Variants in ORC6 observed in about 807,000 individuals in gnomAD.
ORC6 encodes the protein origin recognition complex subunit 6, also known as origin recognition complex, subunit 6 homolog-like (yeast).
In ORC6, 31 loss-of-function variants were observed where a neutral mutation model predicts 30.0. The ratio of observed to expected loss-of-function variants is 1.03; its 90% confidence interval spans 0.78 to 1.40. ORC6 has a LOEUF of 1.40. Among genes scored for constraint, ORC6 ranks in the 40% most tolerant of loss-of-function variants. The pLI is 0.00. For missense variants in ORC6, 340 were observed against 304.3 expected (o/e 1.12, Z -0.87); for synonymous variants, 136 against 111.2 (o/e 1.22, Z -1.40).
intron 1 of ORC6, among the ~76,000 whole-genome samples, chr16:46,690,341 A>T (rs560587237): frequency 2.0e-5 from 3 of 152,344 alleles, no homozygotes; most frequent in Non-Finnish European, 1.5e-5. Flanking sequence ...AAGCGTTGAG[A>T]TGGGAAGCGG....
In ORC6 at chr16:46,696,047, G is replaced by A. The variant is rs1300410552; in HGVS notation, c.593G>A (p.Arg198Gln). The stretch of plus-strand genomic sequence containing the variant: ...CCTGGAGATGTAGCTACTCCACCAC[G>A]GAAGAGAAAGAAGATAGTGGTTGAA... Reference protein sequence around the residue: ...REPGDVATPPRKRKKIVVEAP... With the variant: ...REPGDVATPPQKRKKIVVEAP... The change falls in exon 6 of 7, where the codon CGG becomes CAG. Residue 198 changes from arginine (R) to glutamine (Q), a missense_variant. Arg to Gln is a conservative substitution (Grantham distance 43, BLOSUM62 1). Coordinates refer to ENST00000219097, the MANE Select transcript of ORC6 (RefSeq NM_014321.4). The A allele has an allele frequency of 1.5e-5, 24 of 1,613,452 alleles. No homozygotes were observed. The highest frequency in any genetic ancestry group is 2.2e-5 in the South Asian group (2 of 91,076).
chr16:46,689,781 C>A lies in ORC6; in HGVS notation c.65+11C>A. 1 of 1,585,394 alleles carries A rather than the reference C, an allele frequency of 6.3e-7. No individual in the cohort carries two copies. The highest frequency in any genetic ancestry group is 8.6e-7 in the Non-Finnish European group (1 of 1,167,754). On this transcript the variant is annotated intron_variant, in intron 1 of 6. Coordinates refer to ENST00000219097, the MANE Select transcript of ORC6 (RefSeq NM_014321.4). ...GCCCGACATGCTGAGGTGAGTTCGG[C>A]CGCGCAAGACCAGGGCTGGGCTTCC...
At chr16:46,691,932 G>GCACACACACACA (rs34549741) in intron 2 of ORC6, among the ~76,000 whole-genome samples, 3 of 59,268 alleles carry the variant, frequency 5.1e-5, no homozygotes, top group African/African-American at 6.8e-5. Flanking sequence ...TTTCTCTCCT[G>GCACACACACACA]CACACACACA....
At chr16:46,691,980 T>TCTCTCTCA (rs1966449087) in intron 2 of ORC6, among the ~76,000 whole-genome samples, 1 of 147,920 alleles carries the variant, frequency 6.8e-6, no homozygotes, top group African/African-American at 2.5e-5. Context: ...TCTCTCTCTC[T>TCTCTCTCA]CACCACCCCG....
At chr16:46,694,570 C>T (rs1350329674) in intron 4 of ORC6, 5 of 67,118 alleles carry the variant, frequency 7.4e-5, no homozygotes, top group Non-Finnish European at 1.5e-4. Flanking sequence ...CCGGACGGGG[C>T]AGCTGGCCGG....
rs552925596 is a variant in ORC6 at position 46,698,241 on chromosome 16, A to C, written c.*656A>C. 2.2e-5 allele frequency: 10 copies of C among 453,522 alleles called. No homozygotes were observed. Among genetic ancestry groups the C allele is most frequent in the African/African-American group, 1.8e-4 (9 of 49,390 alleles). The allele number at this position is 453,522 out of a possible 1,614,324, so 28.1% of individuals were successfully genotyped here. On this transcript the variant is annotated 3_prime_UTR_variant, in exon 7 of 7. Transcript: ENST00000219097. ...AACGGAATTGGAGCCATTTTGCTTT[A>C]AGTGAATGGCAGTCCCTTGTCTTAT...
At chr16:46,695,274 A>G (rs2143010961) in intron 4 of ORC6, 1 of 352,250 alleles carries the variant, frequency 2.8e-6, no homozygotes, top group East Asian at 6.5e-5. Context: ...GTCATTCATT[A>G]AATTAATCTG....
chr16:46,692,961 T>TA (rs1191344182), intron 3 of ORC6, 132 bp from the exon 4 acceptor site: 21 of 720,452 alleles, frequency 2.9e-5, no homozygotes, highest in South Asian at 1.8e-4. Context: ...TTTTCAGTCT[T>TA]AAAAAAAATG....
At position 46,693,129 on chromosome 16, in the gene ORC6, T is replaced by C. The variant is rs762305248; in HGVS notation, c.396T>C (p.Asp132=). The change falls in exon 4 of 7, where the codon GAT becomes GAC. Residue 132 remains aspartate (D), a synonymous_variant. Transcript: ENST00000219097. ...GTCTTCCCCAGACACAGCAAGTGGA[T>C]CTTGACTTATCCAGGCCACTTTTCA... ...ESSLPQTQQV[D]LDLSRPLFTS... The C allele has an allele frequency of 1.3e-5, 21 of 1,613,074 alleles. No homozygotes were observed. Among genetic ancestry groups the C allele is most frequent in the Non-Finnish European group, 1.0e-5 (12 of 1,179,156 alleles).
In ORC6 at chr16:46,697,648, T is replaced by G; in HGVS notation, c.*63T>G. The G allele has an allele frequency of 6.5e-7, 1 of 1,536,992 alleles. No individual in the cohort carries two copies. Among genetic ancestry groups the G allele is most frequent in the Non-Finnish European group, 9.0e-7 (1 of 1,109,902 alleles). ...GTACATTGCCATCTCCAGGAAGACTTGACGGCTTTGGGATTTTGTTTAAAC... is the reference window on the plus strand; with the variant it reads ...GTACATTGCCATCTCCAGGAAGACTGGACGGCTTTGGGATTTTGTTTAAAC... On this transcript the variant is annotated 3_prime_UTR_variant, in exon 7 of 7. Coordinates refer to ENST00000219097, the MANE Select transcript of ORC6 (RefSeq NM_014321.4).
intron 1 of ORC6, 81 bp downstream of exon 1, chr16:46,689,851 G>T: frequency 6.8e-7 from 1 of 1,462,200 alleles, no homozygotes; most frequent in Non-Finnish European, 9.0e-7. Context: ...GCCCTTCCCA[G>T]GCGACGGGCG....
At position 46,689,683 on chromosome 16, in the gene ORC6, T is replaced by C. The variant is rs767066567; in HGVS notation, c.-23T>C. 4 of 1,594,362 alleles carry C rather than the reference T, an allele frequency of 2.5e-6. No individual in the cohort carries two copies. The highest frequency in any genetic ancestry group is 3.4e-6 in the Non-Finnish European group (4 of 1,170,180). ...CGTTGACCCGCGGCGTTCACGGGAA[T>C]TGTTCGCTTTAGTGCCGGCGCCATG... On this transcript the variant is annotated 5_prime_UTR_variant, in exon 1 of 7. Coordinates refer to ENST00000219097, the MANE Select transcript of ORC6 (RefSeq NM_014321.4).
At chr16:46,691,209 C>A (rs1966434082) in intron 2 of ORC6, 89 bp downstream of exon 2, 1 of 1,253,936 alleles carries the variant, frequency 8.0e-7, no homozygotes, top group East Asian at 2.4e-5. Flanking sequence ...AGTAAAAACT[C>A]TTGTTTTAGA....
At chr16:46,693,293 A>G in intron 4 of ORC6, 111 bp downstream of exon 4, 1 of 739,372 alleles carries the variant, frequency 1.4e-6, no homozygotes. Flanking sequence ...ATTTTCCCCT[A>G]GAAATAATAT....
intron 5 of ORC6, 146 bp from the exon 6 acceptor site, chr16:46,695,871 G>C: frequency 2.6e-6 from 2 of 763,116 alleles, no homozygotes; most frequent in Non-Finnish European, 4.6e-6. Flanking sequence ...AGTCTGACAA[G>C]AGGCCCAAAA....
At chr16:46,691,455 G>C (rs1275547501) in intron 2 of ORC6, among the ~76,000 whole-genome samples, 1 of 152,128 alleles carries the variant, frequency 6.6e-6, no homozygotes, top group Non-Finnish European at 1.5e-5. Flanking sequence ...AAGCTTTGGG[G>C]TCAGTCAGGA....
chr16:46,697,056 G>A (rs1017075745), intron 6 of ORC6, among the ~76,000 whole-genome samples: 1 of 152,202 alleles, frequency 6.6e-6, no homozygotes, highest in Non-Finnish European at 1.5e-5. Context: ...TGTAGTAGGG[G>A]TTAAATGAAA....
chr16:46,696,113 T>C (rs1966515131), intron 6 of ORC6, 28 bp downstream of exon 6: 1 of 1,545,096 alleles, frequency 6.5e-7, no homozygotes, highest in Non-Finnish European at 9.0e-7. Flanking sequence ...GGTACTGACG[T>C]TGACATTTTA....
In ORC6 at chr16:46,693,539, C is replaced by T. The variant is rs944223254; in HGVS notation, c.449+357C>T. On this transcript the variant is annotated intron_variant, in intron 4 of 6. Transcript: ENST00000219097. ...TGGTTGGGCCAGGCGTGGTGGCTCC[C>T]GCCTGTAATCCCAACACTGGGAGGC... 1.5e-5 allele frequency: 5 copies of T among 327,194 alleles called. No individual in the cohort carries two copies. The East Asian group carries it at 2.4e-4, about 16-fold the overall frequency. The allele number at this position is 327,194 out of a possible 1,614,324, so 20.3% of individuals were successfully genotyped here.
Sources: gnomAD v4.1 joint callset for allele counts (sites outside exome capture counted in the v4.1 genomes callset) on GRCh38, gnomAD v4.1.1 for gene constraint, MANE v1.5 for transcripts, NCBI Gene and HGNC (gene_info 2026-07-23, HGNC 2026-07-21) for gene names.